CRACD: variants seen among roughly 807,000 people sequenced by gnomAD.
CRACD encodes the protein capping protein-inhibiting regulator of actin dynamics.
CRACD carries 56 observed loss-of-function variants against 106.8 expected under a neutral mutation model. That is an observed-to-expected ratio of 0.52 (90% confidence interval 0.42 to 0.66). The LOEUF (loss-of-function observed/expected upper bound fraction) is 0.66. Among genes scored for constraint, CRACD ranks in the 30% least tolerant of loss-of-function variants. The pLI, the probability that CRACD is intolerant of heterozygous loss-of-function variation, is 0.00. For synonymous variants in CRACD, 754 were observed against 670.8 expected, an observed-to-expected ratio of 1.12 and a Z score of -1.92; for missense variants, 1,730 against 1,623.2, an observed-to-expected ratio of 1.07 and a Z score of -1.13.
At chr4:56,190,718 A>G (rs1003585397) in intron 2 of CRACD, among the ~76,000 whole-genome samples, 5 of 151,988 alleles carry the variant, frequency 3.3e-5, no homozygotes, top group African/African-American at 1.2e-4. Flanking sequence ...TTCCAGGCAC[A>G]TGGTGCAAGC....
rs761571893 is a variant in CRACD, at chr4:56,315,841, G to A, written c.2339G>A (p.Arg780Gln). ...GGTCCGGAGAAGTCGGAGATGCACC[G>A]GGAGCCCGCAGACACCACCGAGGGA... ...GKGPEKSEMH[R>Q]EPADTTEGCK... The change falls in exon 8 of 11, where the codon CGG (arginine) becomes CAG (glutamine). Residue 780 changes from arginine (R) to glutamine (Q), a missense_variant. Arg to Gln is a conservative substitution (Grantham distance 43, BLOSUM62 1). This residue lies in a region of CRACD where 1,620 missense variants were observed against 1,481.6 expected (regional missense o/e 1.09). Coordinates refer to ENST00000682029, the MANE Select transcript of CRACD (RefSeq NM_001393381.1). The surrounding 1 kb of genome is among the most constrained non-coding windows in gnomAD (Gnocchi z 4.1). 6 of 1,614,094 alleles carry A rather than the reference G, an allele frequency of 3.7e-6. No individual in the cohort carries two copies. Among genetic ancestry groups the A allele is most frequent in the Middle Eastern group, 1.6e-4 (1 of 6,062 alleles).
chr4:56,051,711 C>T (rs1455927472), intron 1 of CRACD, among the ~76,000 whole-genome samples: 1 of 152,098 alleles, frequency 6.6e-6, no homozygotes, highest in Non-Finnish European at 1.5e-5. Flanking sequence ...GGAATTAGAC[C>T]CCATGAAAAA....
chr4:56,154,520 A>AT (rs10714435), intron 1 of CRACD, among the ~76,000 whole-genome samples: 2 of 151,946 alleles, frequency 1.3e-5, no homozygotes, highest in Non-Finnish European at 2.9e-5. Flanking sequence ...TTTATAAGCT[A>AT]TTTTTTTTCT....
chr4:56,235,588 A>G (rs1388078652), intron 2 of CRACD, among the ~76,000 whole-genome samples: 2 of 152,198 alleles, frequency 1.3e-5, no homozygotes, highest in Non-Finnish European at 2.9e-5. Context: ...GTGGCAGCAA[A>G]GTACTAATTG....
intron 1 of CRACD, among the ~76,000 whole-genome samples, chr4:56,168,392 C>T (rs1223457432): frequency 1.3e-5 from 2 of 151,966 alleles, no homozygotes; most frequent in African/African-American, 4.8e-5. Flanking sequence ...GGATAAGCAT[C>T]ACTTGGACAT....
chr4:56,324,644 TCCAG>T (rs1746314600), intron 10 of CRACD, among the ~76,000 whole-genome samples: 2 of 152,208 alleles, frequency 1.3e-5, no homozygotes, highest in Non-Finnish European at 2.9e-5. Context: ...ATGAGCCATC[TCCAG>T]CACCCTCTGC....
rs759641373 is a variant in CRACD at position 56,311,015 on chromosome 4, T to G, written c.354+281T>G. On this transcript the variant is annotated intron_variant, in intron 6 of 10. Coordinates refer to ENST00000682029, the MANE Select transcript of CRACD (RefSeq NM_001393381.1). ...GTTGGTAGCTTTCCTCAAAGGATCA[T>G]GTACTTCAAGATCCTGTTAATTGAT... 1.5e-5 allele frequency: 6 copies of G among 401,166 alleles called. No individual in the cohort carries two copies. The East Asian group carries it at 3.0e-4, about 20-fold the overall frequency. The allele number at this position is 401,166 out of a possible 1,614,324, so 24.9% of individuals were successfully genotyped here.
At chr4:56,074,280 A>G (rs1025199900) in intron 1 of CRACD, among the ~76,000 whole-genome samples, 5 of 152,178 alleles carry the variant, frequency 3.3e-5, no homozygotes, top group African/African-American at 7.2e-5. Context: ...TTTGGGCAGT[A>G]TGACCATTTT....
chr4:56,217,653 G>A (rs1355755105), intron 2 of CRACD, among the ~76,000 whole-genome samples: 1 of 152,164 alleles, frequency 6.6e-6, no homozygotes, highest in Admixed American at 6.5e-5. Context: ...GACTTAAAGA[G>A]TCCGTTCTGT....
intron 1 of CRACD, among the ~76,000 whole-genome samples, chr4:56,113,618 A>G (rs1734190248): frequency 6.6e-6 from 1 of 152,138 alleles, no homozygotes; most frequent in African/African-American, 2.4e-5. Flanking sequence ...GTTCCCTGTG[A>G]CACTCTATGT....
chr4:56,271,314 T>G, intron 2 of CRACD, among the ~76,000 whole-genome samples: 1 of 152,268 alleles, frequency 6.6e-6, no homozygotes, highest in South Asian at 2.1e-4. Context: ...CTAAAATACC[T>G]CCAACAAATG....
At chr4:56,297,054 G>C (rs535204090) in intron 3 of CRACD, among the ~76,000 whole-genome samples, 3 of 151,910 alleles carry the variant, frequency 2.0e-5, no homozygotes, top group African/African-American at 7.3e-5. Flanking sequence ...CAAGTAGCTG[G>C]GATTATAGGC....
chr4:56,195,718 A>C (rs1191761781), intron 2 of CRACD, among the ~76,000 whole-genome samples: 4 of 152,212 alleles, frequency 2.6e-5, no homozygotes, highest in South Asian at 2.1e-4. Context: ...TGTAAGAATG[A>C]GTATCTGTGA....
Position 56,135,934 on chromosome 4 carries a change from A to T in CRACD, c.-335-43350A>T, listed in dbSNP as rs1734985674. 2.6e-5 allele frequency among the ~76,000 whole-genome samples: 4 copies of T among 152,124 alleles called. No homozygotes were observed. In the South Asian group the frequency reaches 8.3e-4, roughly 32 times the overall value. Reference sequence around the variant, plus strand: ...TTGAAACTCATCCCGCCTTCTACTCACACCCTAGAAAACAACTGACATGCT... The same window carrying T: ...TTGAAACTCATCCCGCCTTCTACTCTCACCCTAGAAAACAACTGACATGCT... On this transcript the variant is annotated intron_variant, in intron 1 of 10. Transcript: ENST00000682029.
At chr4:56,200,553 T>C (rs970604364) in intron 2 of CRACD, among the ~76,000 whole-genome samples, 2 of 152,228 alleles carry the variant, frequency 1.3e-5, no homozygotes, top group Admixed American at 1.3e-4. Flanking sequence ...TTCAACTGTA[T>C]GCTCCTCAAA....
intron 1 of CRACD, among the ~76,000 whole-genome samples, chr4:56,097,844 A>G (rs1733646633): frequency 6.6e-6 from 1 of 152,200 alleles, no homozygotes; most frequent in African/African-American, 2.4e-5. Flanking sequence ...TCAGAGAAGT[A>G]GCATTTTCAT....
chr4:56,307,032 G>T (rs1047964702), intron 4 of CRACD, among the ~76,000 whole-genome samples: 3 of 152,194 alleles, frequency 2.0e-5, no homozygotes, highest in Non-Finnish European at 4.4e-5. Context: ...GGAAGGCTGC[G>T]GAAGTATAAA....
chr4:56,285,410 T>C (rs1480296054), intron 3 of CRACD, among the ~76,000 whole-genome samples: 1 of 151,538 alleles, frequency 6.6e-6, no homozygotes, highest in African/African-American at 2.4e-5. Context: ...GTTTGCCTCA[T>C]GGGTGCTTGA....
chr4:56,051,810 G>C (rs1392142507), intron 1 of CRACD, among the ~76,000 whole-genome samples: 1 of 152,206 alleles, frequency 6.6e-6, no homozygotes, highest in Admixed American at 6.5e-5. Context: ...AAGTTCTCGA[G>C]GCAGGTGATT....
Sources: allele counts gnomAD v4.1 joint callset (sites outside exome capture counted in the v4.1 genomes callset), GRCh38; gene constraint gnomAD v4.1.1; regional missense constraint gnomAD v4.1.1; non-coding constraint Gnocchi (gnomAD v3.1); transcripts MANE v1.5; gene names NCBI Gene and HGNC (gene_info 2026-07-23, HGNC 2026-07-21).